ABCC8: variants seen among roughly 807,000 people sequenced by gnomAD.
ABCC8 encodes ATP-binding cassette sub-family C member 8.
A neutral mutation model predicts 188.0 loss-of-function variants in ABCC8; 137 were observed. The ratio of observed to expected loss-of-function variants is 0.73; its 90% CI spans 0.63 to 0.84. The LOEUF (loss-of-function observed/expected upper bound fraction) is 0.84, where lower values mean the gene tolerates loss of function less well. ABCC8 is among the 40% of genes least tolerant of loss of function. The probability of loss-of-function intolerance (pLI) is 0.00; values close to 1 mark genes in which losing one functional copy is unlikely to be tolerated. For missense variants in ABCC8, 1,750 were observed against 2,072.7 expected (o/e 0.84, Z 3.02); for synonymous variants, 797 against 846.5 (o/e 0.94, Z 1.01).
At chr11:17,464,693 G>T (rs531939041) in intron 3 of ABCC8, among the ~76,000 whole-genome samples, 1 of 152,256 alleles carries the variant, frequency 6.6e-6, no homozygotes, top group East Asian at 1.9e-4. Context: ...CTAAATTCTC[G>T]CACACACACT....
rs576457270 is a variant in ABCC8 at position 17,395,809 on chromosome 11, T to G, written c.4198+43A>C. 7.7e-6 allele frequency: 12 copies of G among 1,556,860 alleles called. No homozygotes were observed. The South Asian group carries it at 1.3e-4, about 17-fold the overall frequency. On this transcript the variant is annotated intron_variant, in intron 34 of 38. Coordinates refer to ENST00000389817, the MANE Select transcript of ABCC8 (RefSeq NM_000352.6). ...CACGTGCCAGGGCTGAGGCCTCATC[T>G]GGTGGCTGTGGGTACACGTGGGGTG...
chr11:17,401,119 G>C (rs1234122202), intron 29 of ABCC8, among the ~76,000 whole-genome samples: 4 of 152,220 alleles, frequency 2.6e-5, no homozygotes, highest in Non-Finnish European at 5.9e-5. Context: ...GCCCACTCTA[G>C]AAGAGTCACC....
At chr11:17,461,313 C>T (rs1330874970) in intron 5 of ABCC8, 6 of 527,314 alleles carry the variant, frequency 1.1e-5, no homozygotes, top group Non-Finnish European at 1.0e-5. Context: ...CACTTCCCTT[C>T]TCAGAGCCTC....
chr11:17,461,047 G>A (rs189886885), intron 5 of ABCC8: 5 of 365,446 alleles, frequency 1.4e-5, no homozygotes, highest in African/African-American at 4.2e-5. Context: ...AGGAAGTGAA[G>A]GAGCACTGGA....
At chr11:17,445,181 G>C (rs937800997) in intron 8 of ABCC8, among the ~76,000 whole-genome samples, 3 of 152,174 alleles carry the variant, frequency 2.0e-5, no homozygotes, top group Admixed American at 1.3e-4. Context: ...TCCTTAACCT[G>C]GTGTTCTTGA....
intron 17 of ABCC8, 36 bp from the exon 18 acceptor site, chr11:17,415,375 T>A (rs529209713): frequency 6.2e-7 from 1 of 1,604,752 alleles, no homozygotes; most frequent in Admixed American, 1.7e-5. Flanking sequence ...TGAGCTCTCA[T>A]GGGAGTGAAC....
At chr11:17,420,259 C>T (rs781695558) in intron 16 of ABCC8, among the ~76,000 whole-genome samples, 17 of 152,148 alleles carry the variant, frequency 1.1e-4, no homozygotes, top group Non-Finnish European at 1.8e-4. Context: ...TCATTGGGTC[C>T]CATTGCCAAA....
intron 33 of ABCC8, 185 bp from the exon 34 acceptor site, chr11:17,396,115 G>A (rs1953914090): frequency 7.3e-7 from 1 of 1,363,502 alleles, no homozygotes; most frequent in Admixed American, 2.2e-5. Flanking sequence ...GTCCAGAGAG[G>A]GCTTACACAG....
At chr11:17,473,737 A>G (rs1333114001) in intron 2 of ABCC8, among the ~76,000 whole-genome samples, 6 of 152,172 alleles carry the variant, frequency 3.9e-5, no homozygotes, top group Non-Finnish European at 7.3e-5. Flanking sequence ...ACTGCAGTCA[A>G]TGCTAAGTCC....
chr11:17,395,366 T>C (rs2133399444), intron 35 of ABCC8, 91 bp from the exon 36 acceptor site: 1 of 1,546,416 alleles, frequency 6.5e-7, no homozygotes, highest in Non-Finnish European at 8.7e-7. Context: ...GAGAGCAGAC[T>C]GAGTTGGAGG....
chr11:17,397,006 C>T lies in ABCC8; in HGVS notation c.4029G>A (p.Lys1343=), dbSNP rs1953966288. The T allele has an allele frequency of 6.2e-7, 1 of 1,614,208 alleles. No individual in the cohort carries two copies. The highest frequency in any genetic ancestry group is 8.5e-7 in the Non-Finnish European group (1 of 1,180,014). The change falls in exon 33 of 39, where the codon AAG becomes AAA. Residue 1343 remains lysine (K), a synonymous_variant. Transcript: ENST00000389817. ...LIPKNWPDQG[K]IQIQNLSVRY... is the part of the protein sequence containing the mutation. ...GCACGCTCAGGTTCTGGATCTGGAT[C>T]TTCCCTTGGTCTGGCCAGTTCTTTG...
intron 5 of ABCC8, chr11:17,461,125 C>T: frequency 3.0e-6 from 1 of 331,686 alleles, no homozygotes. Flanking sequence ...CACAGCCTTT[C>T]TCAGGGCCTC....
chr11:17,409,674 A>T (rs1954717377), intron 22 of ABCC8, among the ~76,000 whole-genome samples: 1 of 152,094 alleles, frequency 6.6e-6, no homozygotes, highest in Admixed American at 6.6e-5. Context: ...AGAGGGCCTC[A>T]ATTTTGGCTG....
intron 3 of ABCC8, among the ~76,000 whole-genome samples, chr11:17,467,042 C>CACACACA (rs1848197376): frequency 7.6e-6 from 1 of 132,312 alleles, no homozygotes; most frequent in South Asian, 2.7e-4. Context: ...ACATGTTAAA[C>CACACACA]CACACACACA....
chr11:17,394,250 G>A lies in ABCC8; in HGVS notation c.4545+16C>T. 2 of 1,612,422 alleles carry A rather than the reference G, an allele frequency of 1.2e-6. No individual in the cohort carries two copies. On this transcript the variant is annotated intron_variant, in intron 37 of 38. Transcript: ENST00000389817. ...CTTTCCAAGACCATGGTCCCATGGAGGGGCCCAGGACCAACCGTGGCCATG... is the reference window on the plus strand; with the variant it reads ...CTTTCCAAGACCATGGTCCCATGGAAGGGCCCAGGACCAACCGTGGCCATG...
At chr11:17,476,554 G>A in intron 1 of ABCC8, 75 bp downstream of exon 1, 1 of 1,539,888 alleles carries the variant, frequency 6.5e-7, no homozygotes, top group Non-Finnish European at 8.8e-7. Context: ...GACGCCGAGC[G>A]GTGCGGCGCG....
At chr11:17,442,986 C>T in intron 9 of ABCC8, 104 bp from the exon 10 acceptor site, 4 of 1,582,576 alleles carry the variant, frequency 2.5e-6, no homozygotes, top group South Asian at 1.1e-5. Context: ...GCCTCCTGTC[C>T]TCACCGGGAG....
At chr11:17,446,703 G>A (rs1956542878) in intron 8 of ABCC8, among the ~76,000 whole-genome samples, 1 of 152,284 alleles carries the variant, frequency 6.6e-6, no homozygotes, top group Non-Finnish European at 1.5e-5. Context: ...CTGGGCATGG[G>A]TAGGTGGTAA....
intron 16 of ABCC8, among the ~76,000 whole-genome samples, chr11:17,419,924 G>A (rs1156398659): frequency 6.6e-6 from 1 of 152,168 alleles, no homozygotes; most frequent in Non-Finnish European, 1.5e-5. Flanking sequence ...ATAAAATGGG[G>A]GTGAAGGCAC....
Sources: allele counts gnomAD v4.1 joint callset (sites outside exome capture counted in the v4.1 genomes callset), GRCh38; gene constraint gnomAD v4.1.1; transcripts MANE v1.5; gene names NCBI Gene and HGNC (gene_info 2026-07-23, HGNC 2026-07-21).